PUS7L: variants seen among roughly 807,000 people sequenced by gnomAD.
The protein encoded by PUS7L is pseudouridine synthase 7 like.
PUS7L carries 49 observed loss-of-function variants against 51.1 expected under a neutral mutation model. The ratio of observed to expected loss-of-function variants is 0.96; its 90% CI spans 0.76 to 1.22. The LOEUF is 1.22. PUS7L is among the 50% of genes most tolerant of loss of function. The probability of loss-of-function intolerance (pLI) is 0.00; values close to 1 mark genes in which losing one functional copy is unlikely to be tolerated. For synonymous variants in PUS7L, 277 were observed against 276.2 expected, an observed-to-expected ratio of 1.00 and a Z score of -0.03; for missense variants, 828 against 820.6, an observed-to-expected ratio of 1.01 and a Z score of -0.11.
In PUS7L at chr12:43,721,762, G is replaced by C. The variant is rs1944399771; in HGVS notation, c.*8614C>G. The C allele has an allele frequency of 6.6e-6, 1 of 152,112 alleles. No individual in the cohort carries two copies. Among genetic ancestry groups the C allele is most frequent in the Admixed American group, 6.6e-5 (1 of 15,264 alleles). The allele number at this position is 152,112 out of a possible 1,614,324, so 9.4% of individuals were successfully genotyped here. The stretch of plus-strand genomic sequence containing the variant: ...CCAGCCAATGGGAATGGGAGGTTGA[G>C]GTGTATAACATGGGAACATTTGCTA... On this transcript the variant is annotated 3_prime_UTR_variant, in exon 9 of 9. Coordinates refer to ENST00000344862, the MANE Select transcript of PUS7L (RefSeq NM_031292.5).
rs1373703975 is a variant in PUS7L at position 43,753,533 on chromosome 12, C to A, written c.910+803G>T. On this transcript the variant is annotated intron_variant, in intron 2 of 8. Coordinates refer to ENST00000344862, the MANE Select transcript of PUS7L (RefSeq NM_031292.5). The stretch of plus-strand genomic sequence containing the variant: ...TGCAAATTTAGGTTCCTGGTTTTAT[C>A]TTAAAATATCTTGCTAAATAAATTT... Among the ~76,000 whole-genome samples, 5 of 152,154 alleles carry A rather than the reference C, an allele frequency of 3.3e-5. No homozygotes were observed. In the East Asian group the frequency reaches 7.7e-4, roughly 23 times the overall value.
chr12:43,744,314 G>C (rs1243187709), intron 4 of PUS7L, among the ~76,000 whole-genome samples: 1 of 152,194 alleles, frequency 6.6e-6, no homozygotes, highest in East Asian at 1.9e-4. Context: ...AGGACCCGGT[G>C]GGAAGTAATT....
At chr12:43,738,090 C>A in intron 6 of PUS7L, 1 of 417,322 alleles carries the variant, frequency 2.4e-6, no homozygotes, top group Non-Finnish European at 4.2e-6. Flanking sequence ...CCCATTGCCC[C>A]TACCCCTAGA....
In PUS7L at chr12:43,719,926, T is replaced by C. The variant is rs2137636766; in HGVS notation, c.*10450A>G. ...TTTTGGATTTGTAGATCGTCTCTTC[T>C]ATTCTGGTTTTATTTCATTCATTTC... On this transcript the variant is annotated 3_prime_UTR_variant, in exon 9 of 9. Coordinates refer to ENST00000344862, the MANE Select transcript of PUS7L (RefSeq NM_031292.5). 6.6e-6 allele frequency: 1 copy of C among 152,298 alleles called. No homozygotes were observed. The highest frequency in any genetic ancestry group is 6.5e-5 in the Admixed American group (1 of 15,286). 9.4% of individuals were successfully genotyped at this position (152,298 alleles called of 1,614,324 possible).
chr12:43,742,228 G>A (rs1592168901), intron 5 of PUS7L, among the ~76,000 whole-genome samples: 1 of 152,130 alleles, frequency 6.6e-6, no homozygotes, highest in Non-Finnish European at 1.5e-5. Context: ...TCATTTCTGT[G>A]TCAAATCTCA....
chr12:43,740,013 A>T (rs1054314367), intron 5 of PUS7L, among the ~76,000 whole-genome samples: 2 of 152,166 alleles, frequency 1.3e-5, no homozygotes, highest in Non-Finnish European at 2.9e-5. Context: ...GAAAGTAGCA[A>T]GCAGAGGGGA....
intron 7 of PUS7L, among the ~76,000 whole-genome samples, chr12:43,734,218 T>C (rs967157643): frequency 4.6e-5 from 7 of 152,150 alleles, no homozygotes; most frequent in African/African-American, 1.4e-4. Flanking sequence ...CAGCTTTTGT[T>C]GACACTGTTG....
Position 43,729,154 on chromosome 12 carries a change from TA to T in PUS7L, c.*1221del. The T allele has an allele frequency of 2.5e-6, 1 of 397,504 alleles. No individual in the cohort carries two copies. Among genetic ancestry groups the T allele is most frequent in the Non-Finnish European group, 4.4e-6 (1 of 225,234 alleles). 24.6% of individuals were successfully genotyped at this position (397,504 alleles called of 1,614,324 possible). Reference sequence around the variant, plus strand: ...TCAAGTTGATACACATCATTTTACTTACTTTAGTTACGTAATGCTGGACTTT... The same window carrying T: ...TCAAGTTGATACACATCATTTTACTTCTTTAGTTACGTAATGCTGGACTTT... On this transcript the variant is annotated 3_prime_UTR_variant, in exon 9 of 9. Coordinates refer to ENST00000344862, the MANE Select transcript of PUS7L (RefSeq NM_031292.5).
chr12:43,745,289 T>C (rs1938109633), intron 4 of PUS7L, among the ~76,000 whole-genome samples: 1 of 152,184 alleles, frequency 6.6e-6, no homozygotes, highest in African/African-American at 2.4e-5. Flanking sequence ...CTGTAAAACA[T>C]AAAGTTTATG....
intron 1 of PUS7L, among the ~76,000 whole-genome samples, chr12:43,757,193 C>T (rs555737558): frequency 4.1e-4 from 62 of 151,884 alleles, no homozygotes; most frequent in African/African-American, 1.4e-3. Flanking sequence ...TTTTTTGAGA[C>T]GAAGTCTCAC....
At position 43,726,199 on chromosome 12, in the gene PUS7L, T is replaced by C. The variant is rs762081160; in HGVS notation, c.*4177A>G. 1.1e-4 allele frequency: 16 copies of C among 151,958 alleles called. No individual in the cohort carries two copies. The highest frequency in any genetic ancestry group is 2.7e-4 in the African/African-American group (11 of 41,352). The allele number at this position is 151,958 out of a possible 1,614,324, so 9.4% of individuals were successfully genotyped here. A position where few individuals can be genotyped will look rare whatever the true frequency, so the allele number is the denominator to read the frequency against. On this transcript the variant is annotated 3_prime_UTR_variant, in exon 9 of 9. Transcript: ENST00000344862. Reference sequence around the variant, plus strand: ...TGGTACTGGTACAAAAACAGACACATAGACCAATGGAACAGGTTAGAGAAC... The same window carrying C: ...TGGTACTGGTACAAAAACAGACACACAGACCAATGGAACAGGTTAGAGAAC...
chr12:43,724,055 G>A lies in PUS7L; in HGVS notation c.*6321C>T, dbSNP rs912102594. On this transcript the variant is annotated 3_prime_UTR_variant, in exon 9 of 9. Coordinates refer to ENST00000344862, the MANE Select transcript of PUS7L (RefSeq NM_031292.5). ...TGAAATTCAAACATCAAAAGTAAATGGAGGAAAAAAGTCCCATTTTCCTAC... is the reference window on the plus strand; with the variant it reads ...TGAAATTCAAACATCAAAAGTAAATAGAGGAAAAAAGTCCCATTTTCCTAC... The A allele has an allele frequency of 1.3e-5, 2 of 151,798 alleles. No homozygotes were observed. Among genetic ancestry groups the A allele is most frequent in the African/African-American group, 4.8e-5 (2 of 41,356 alleles). The allele number at this position is 151,798 out of a possible 1,614,324, so 9.4% of individuals were successfully genotyped here. A position where few individuals can be genotyped will look rare whatever the true frequency, so the allele number is the denominator to read the frequency against.
intron 4 of PUS7L, among the ~76,000 whole-genome samples, chr12:43,744,509 C>A (rs1270235872): frequency 6.6e-6 from 1 of 152,168 alleles, no homozygotes; most frequent in Non-Finnish European, 1.5e-5. Context: ...GAGGCCTCCC[C>A]ACCTATACGG....
At chr12:43,730,786 G>T in intron 8 of PUS7L, 84 bp from the exon 9 acceptor site, 1 of 850,782 alleles carries the variant, frequency 1.2e-6, no homozygotes, top group Non-Finnish European at 1.8e-6. Context: ...TTATGACTGC[G>T]ACCTGGATTT....
chr12:43,743,489 C>T (rs1938003719), intron 4 of PUS7L, among the ~76,000 whole-genome samples: 1 of 152,224 alleles, frequency 6.6e-6, no homozygotes, highest in Admixed American at 6.5e-5. Flanking sequence ...GCAGGCCAGG[C>T]TCAGTGGCTC....
At chr12:43,738,656 T>C (rs1158289414) in intron 5 of PUS7L, among the ~76,000 whole-genome samples, 3 of 152,182 alleles carry the variant, frequency 2.0e-5, no homozygotes, top group Non-Finnish European at 4.4e-5. Flanking sequence ...AATTCTACTT[T>C]TGTCATTTTT....
In PUS7L at chr12:43,726,826, T is replaced by TA. The variant is rs199754356; in HGVS notation, c.*3549dup. ...CTGGGTGACAGAAGGAAACTCCATC[T>TA]AAAAAAAAAAAAAAATTGACAAGTG... On this transcript the variant is annotated 3_prime_UTR_variant, in exon 9 of 9. Coordinates refer to ENST00000344862, the MANE Select transcript of PUS7L (RefSeq NM_031292.5). The TA allele has an allele frequency of 3.3e-3, 460 of 137,608 alleles. 2 individuals carry two copies. Among genetic ancestry groups the TA allele is most frequent in the African/African-American group, 8.4e-3 (313 of 37,154 alleles). 8.5% of individuals were successfully genotyped at this position (137,608 alleles called of 1,614,324 possible). A position where few individuals can be genotyped will look rare whatever the true frequency, so the allele number is the denominator to read the frequency against.
chr12:43,757,450 CG>C lies in PUS7L; in HGVS notation c.-17+1279del. Reference sequence around the variant, plus strand: ...CCTCCCAAAGTGCTGGGGTTACAGGCGTGAGCCACCGTGCCCAGCAAGTGAT... The same window carrying C: ...CCTCCCAAAGTGCTGGGGTTACAGGCTGAGCCACCGTGCCCAGCAAGTGAT... On this transcript the variant is annotated intron_variant, in intron 1 of 8. Coordinates refer to ENST00000344862, the MANE Select transcript of PUS7L (RefSeq NM_031292.5). Among the ~76,000 whole-genome samples the C allele has an allele frequency of 3.3e-5, 5 of 152,272 alleles. 1 individual carries two copies. The highest frequency in any genetic ancestry group is 3.3e-4 in the Admixed American group (5 of 15,298).
In PUS7L at chr12:43,758,654, A is replaced by ACC. The variant is rs760755963; in HGVS notation, c.-17+74_-17+75dup. The ACC allele has an allele frequency of 6.6e-4, 305 of 462,270 alleles. 3 individuals carry two copies. The highest frequency in any genetic ancestry group is 1.2e-3 in the Admixed American group (3 of 2,556). 28.6% of individuals were successfully genotyped at this position (462,270 alleles called of 1,614,324 possible). On this transcript the variant is annotated intron_variant, in intron 1 of 8. Transcript: ENST00000344862. Reference sequence around the variant, plus strand: ...ATGGATCCTCAATGCCAACCTCGTCACCCCCCCCCCCCACACACACACACA... The same window carrying ACC: ...ATGGATCCTCAATGCCAACCTCGTCACCCCCCCCCCCCCCACACACACACACA...
Sources: allele counts gnomAD v4.1 joint callset (sites outside exome capture counted in the v4.1 genomes callset), GRCh38; gene constraint gnomAD v4.1.1; transcripts MANE v1.5; gene names NCBI Gene and HGNC (gene_info 2026-07-23, HGNC 2026-07-21).